Variants in NEBL observed in about 807,000 individuals in gnomAD.
NEBL encodes the protein LIM and SH3 protein 2.
Under a neutral mutation model 140.2 loss-of-function variants are expected in NEBL, and 122 were observed. That is an observed-to-expected ratio of 0.87 (90% confidence interval 0.75 to 1.01). NEBL has a LOEUF of 1.01. Among genes scored for constraint, NEBL ranks in the 50% least tolerant of loss-of-function variants. NEBL has a pLI of 0.00. For synonymous variants in NEBL, 436 were observed against 398.9 expected (o/e 1.09, Z -1.11); for missense variants, 1,365 against 1,231.3 (o/e 1.11, Z -1.62).
chr10:21,000,924 A>G (rs1837867677), intron 3 of NEBL, among the ~76,000 whole-genome samples: 1 of 152,180 alleles, frequency 6.6e-6, no homozygotes, highest in South Asian at 2.1e-4. Context: ...GAAAAAGGGA[A>G]GAAGCCCAGA....
In NEBL at chr10:21,005,130, A is replaced by G. The variant is rs564091377; in HGVS notation, c.249+14987T>C. On this transcript the variant is annotated intron_variant, in intron 3 of 6. Transcript: ENST00000417816. Reference sequence around the variant, plus strand: ...GACAAATACCAAATTGAGGACAGAAAGTTCAATTGCAGCTGTTAACAGTCC... The same window carrying G: ...GACAAATACCAAATTGAGGACAGAAGGTTCAATTGCAGCTGTTAACAGTCC... Among the ~76,000 whole-genome samples, 4 of 152,346 alleles carry G rather than the reference A, an allele frequency of 2.6e-5. 1 individual carries two copies. The South Asian group carries it at 6.2e-4, about 24-fold the overall frequency.
intron 2 of NEBL, among the ~76,000 whole-genome samples, chr10:21,071,825 T>C (rs1835829903): frequency 6.6e-6 from 1 of 152,130 alleles, no homozygotes; most frequent in South Asian, 2.1e-4. Context: ...TTTTTGATTT[T>C]GTCTTTTTTT....
At chr10:21,198,737 A>C (rs1841689679) in intron 3 of NEBL, among the ~76,000 whole-genome samples, 1 of 152,044 alleles carries the variant, frequency 6.6e-6, no homozygotes. Context: ...AGTGCCAGCT[A>C]CTTTCCCCAT....
At chr10:21,197,884 C>G (rs1841675970) in intron 3 of NEBL, among the ~76,000 whole-genome samples, 1 of 152,172 alleles carries the variant, frequency 6.6e-6, no homozygotes. Context: ...CTTCCTTACC[C>G]TGACCAATCA....
chr10:20,819,028 T>A, intron 20 of NEBL: 1 of 1,013,578 alleles, frequency 9.9e-7, no homozygotes, highest in Non-Finnish European at 1.2e-6. Context: ...TATAATGATA[T>A]GATTCATCCA....
At chr10:20,993,321 G>A (rs1186762295) in intron 3 of NEBL, among the ~76,000 whole-genome samples, 1 of 152,074 alleles carries the variant, frequency 6.6e-6, no homozygotes, top group African/African-American at 2.4e-5. Context: ...TTGATTTACT[G>A]GTAAGGTGAG....
intron 14 of NEBL, among the ~76,000 whole-genome samples, chr10:20,833,750 C>T (rs1386959658): frequency 6.9e-5 from 10 of 145,916 alleles, no homozygotes; most frequent in East Asian, 6.0e-4. Context: ...AGCGAGACTC[C>T]GTCTCAAAAA....
chr10:20,932,242 A>C (rs543071141), intron 4 of NEBL, among the ~76,000 whole-genome samples: 1 of 152,238 alleles, frequency 6.6e-6, no homozygotes, highest in South Asian at 2.1e-4. Context: ...TGCAGCCTTA[A>C]AAAAGAATGA....
At chr10:21,126,974 C>CA (rs55883304) in intron 2 of NEBL, among the ~76,000 whole-genome samples, 2,437 of 63,796 alleles carry the variant, frequency 0.038, 53 homozygotes, top group African/African-American at 0.06. Flanking sequence ...GACCCTGTAT[C>CA]AAAAAAAAAA....
At chr10:20,834,894 C>T (rs1199962591) in intron 14 of NEBL, among the ~76,000 whole-genome samples, 1 of 152,148 alleles carries the variant, frequency 6.6e-6, no homozygotes, top group Non-Finnish European at 1.5e-5. Context: ...ATGTGATACC[C>T]AGCCTGTCAC....
chr10:21,110,068 C>T (rs753511383), intron 2 of NEBL, among the ~76,000 whole-genome samples: 16 of 152,046 alleles, frequency 1.1e-4, no homozygotes, highest in Non-Finnish European at 1.9e-4. Flanking sequence ...TCTGCTCCTG[C>T]TTCTCTAGTT....
At chr10:21,109,480 C>A (rs920869669) in intron 2 of NEBL, among the ~76,000 whole-genome samples, 2 of 152,066 alleles carry the variant, frequency 1.3e-5, no homozygotes, top group African/African-American at 4.8e-5. Context: ...TGTGTCTCTG[C>A]CAGGTTTTGG....
At chr10:21,199,922 G>A (rs978402506) in intron 3 of NEBL, among the ~76,000 whole-genome samples, 8 of 151,976 alleles carry the variant, frequency 5.3e-5, no homozygotes, top group Non-Finnish European at 5.9e-5. Flanking sequence ...TGAACACAGA[G>A]CTGGGGAGAG....
At chr10:20,888,506 T>C (rs1000662360) in intron 3 of NEBL, among the ~76,000 whole-genome samples, 1 of 152,262 alleles carries the variant, frequency 6.6e-6, no homozygotes, top group Non-Finnish European at 1.5e-5. Context: ...AGTTTCATGC[T>C]GGATGAGTGA....
At chr10:21,065,189 T>C (rs918999626) in intron 2 of NEBL, among the ~76,000 whole-genome samples, 1 of 152,222 alleles carries the variant, frequency 6.6e-6, no homozygotes, top group African/African-American at 2.4e-5. Flanking sequence ...AAGAAAAATC[T>C]GACCCCACAG....
At chr10:20,939,654 G>A (rs887592983) in intron 4 of NEBL, among the ~76,000 whole-genome samples, 1 of 152,024 alleles carries the variant, frequency 6.6e-6, no homozygotes, top group Non-Finnish European at 1.5e-5. Context: ...TGGATAAAGA[G>A]TCAAGACCCA....
At chr10:21,005,283 G>A (rs1838089437) in intron 3 of NEBL, among the ~76,000 whole-genome samples, 1 of 152,198 alleles carries the variant, frequency 6.6e-6, no homozygotes. Context: ...AGAGCAATAA[G>A]TCACAGAATA....
At chr10:21,119,211 C>G (rs1224868433) in intron 2 of NEBL, among the ~76,000 whole-genome samples, 1 of 151,998 alleles carries the variant, frequency 6.6e-6, no homozygotes, top group Non-Finnish European at 1.5e-5. Context: ...TTTAACAGCT[C>G]AACATTTTTC....
At chr10:20,834,820 A>T (rs1238967500) in intron 14 of NEBL, among the ~76,000 whole-genome samples, 4 of 152,240 alleles carry the variant, frequency 2.6e-5, no homozygotes, top group African/African-American at 9.6e-5. Flanking sequence ...CAAGAGGTGT[A>T]GAGAAAGTTC....
Sources: gnomAD v4.1 joint callset for allele counts (sites outside exome capture counted in the v4.1 genomes callset) on GRCh38, gnomAD v4.1.1 for gene constraint, MANE v1.5 for transcripts, NCBI Gene and HGNC (gene_info 2026-07-23, HGNC 2026-07-21) for gene names.